Variants in RBFOX3 observed in about 807,000 individuals in gnomAD.
RBFOX3 encodes the protein RNA binding fox-1 homolog 3.
In RBFOX3, 17 loss-of-function variants were observed where a neutral mutation model predicts 48.7. That is an observed-to-expected ratio of 0.35 (90% CI 0.24 to 0.52). The LOEUF is 0.52. Ranked by LOEUF, RBFOX3 falls within the 20% of genes least tolerant of loss-of-function variation. RBFOX3 has a pLI of 0.94. For missense variants in RBFOX3, 382 were observed against 497.5 expected (o/e 0.77, Z 2.21); for synonymous variants, 212 against 209.5 (o/e 1.01, Z -0.10).
At chr17:79,093,838 A>C (rs543791507) in intron 14 of RBFOX3, among the ~76,000 whole-genome samples, 179 of 144,110 alleles carry the variant, frequency 1.2e-3, no homozygotes, top group Non-Finnish European at 1.7e-3. Context: ...GAGACACGCC[A>C]CGCCGCGCAC....
At chr17:79,340,598 G>C (rs2081933749) in intron 2 of RBFOX3, among the ~76,000 whole-genome samples, 1 of 152,150 alleles carries the variant, frequency 6.6e-6, no homozygotes, top group Non-Finnish European at 1.5e-5. Flanking sequence ...GGTGATTAAA[G>C]GCAACCCACA....
At chr17:79,595,578 T>C (rs2093548094) in intron 1 of RBFOX3, among the ~76,000 whole-genome samples, 1 of 152,188 alleles carries the variant, frequency 6.6e-6, no homozygotes, top group Non-Finnish European at 1.5e-5. Context: ...TCTTGAACGC[T>C]TTTAACCAAT....
At chr17:79,375,478 G>T (rs1008176484) in intron 2 of RBFOX3, among the ~76,000 whole-genome samples, 1 of 151,942 alleles carries the variant, frequency 6.6e-6, no homozygotes, top group Admixed American at 6.6e-5. Flanking sequence ...CATACTCTCG[G>T]CCCCCAGGGG....
At chr17:79,611,912 T>G (rs1378845951), upstream of RBFOX3, among the ~76,000 whole-genome samples, 1 of 152,132 alleles carries the variant, frequency 6.6e-6, no homozygotes, top group Admixed American at 6.5e-5. Flanking sequence ...AATCAAAAGA[T>G]CAGGTAGCTC....
chr17:79,435,339 AG>A (rs1244315482), intron 2 of RBFOX3, among the ~76,000 whole-genome samples: 1 of 152,180 alleles, frequency 6.6e-6, no homozygotes, highest in Non-Finnish European at 1.5e-5. Context: ...TATGCTTTAA[AG>A]GGGGGAGAAG....
At chr17:79,160,654 T>G (rs766203916) in intron 4 of RBFOX3, among the ~76,000 whole-genome samples, 4 of 144,542 alleles carry the variant, frequency 2.8e-5, no homozygotes, top group Non-Finnish European at 5.9e-5. Flanking sequence ...ATTCCCCCAT[T>G]CATTCATTCA....
Position 79,346,169 on chromosome 17 carries a change from C to T in RBFOX3, c.-174-38345G>A, listed in dbSNP as rs907455272. 2.2e-4 allele frequency among the ~76,000 whole-genome samples: 34 copies of T among 152,192 alleles called. 1 individual carries two copies. The highest frequency in any genetic ancestry group is 1.0e-3 in the Admixed American group (16 of 15,270). On this transcript the variant is annotated intron_variant, in intron 2 of 14. Transcript: ENST00000693108. Reference sequence around the variant, plus strand: ...AACTCCTGACCTCAGGTGATCCACCCACCTCAGCCTCCCAAAGTGCTAGGA... The same window carrying T: ...AACTCCTGACCTCAGGTGATCCACCTACCTCAGCCTCCCAAAGTGCTAGGA...
intron 1 of RBFOX3, among the ~76,000 whole-genome samples, chr17:79,491,792 G>A (rs1185622349): frequency 6.6e-6 from 1 of 152,038 alleles, no homozygotes; most frequent in African/African-American, 2.4e-5. Context: ...GTTAAAAATG[G>A]CACAAGGCCG....
chr17:79,566,405 AG>A (rs2092456595), intron 1 of RBFOX3, among the ~76,000 whole-genome samples: 1 of 152,180 alleles, frequency 6.6e-6, no homozygotes, highest in Non-Finnish European at 1.5e-5. Context: ...CTGCAGCTCC[AG>A]GGGGACTCTC....
chr17:79,321,705 C>CTTTTT lies in RBFOX3; in HGVS notation c.-174-13886_-174-13882dup, dbSNP rs55633027. ...GCGAGCCGGGCTTTCAGGAATCTGG[C>CTTTTT]TTTTTTTTTTTTTTTTTATAGACGG... On this transcript the variant is annotated intron_variant, in intron 2 of 14. Transcript: ENST00000693108. 1.1e-3 allele frequency among the ~76,000 whole-genome samples: 154 copies of CTTTTT among 134,090 alleles called. 3 individuals are homozygous for CTTTTT. Among genetic ancestry groups the CTTTTT allele is most frequent in the African/African-American group, 4.0e-3 (143 of 35,742 alleles). 88.0% of individuals were successfully genotyped at this position (134,090 alleles called of 152,430 possible). A position where few individuals can be genotyped will look rare whatever the true frequency, so the allele number is the denominator to read the frequency against.
Position 79,361,271 on chromosome 17 carries a change from C to T in RBFOX3, c.-174-53447G>A, listed in dbSNP as rs1360054988. 6.6e-6 allele frequency among the ~76,000 whole-genome samples: 1 copy of T among 152,210 alleles called. No homozygotes were observed. Among genetic ancestry groups the T allele is most frequent in the Non-Finnish European group, 1.5e-5 (1 of 68,038 alleles). Reference sequence around the variant, plus strand: ...GCCCGACCTGGCCTCTTCCCTCTCCCCAGGCTGCTGGTTGGCGCCTTGATC... The same window carrying T: ...GCCCGACCTGGCCTCTTCCCTCTCCTCAGGCTGCTGGTTGGCGCCTTGATC... On this transcript the variant is annotated intron_variant, in intron 2 of 14. Coordinates refer to ENST00000693108, the MANE Select transcript of RBFOX3 (RefSeq NM_001350451.2). The surrounding 1 kb of genome is among the most constrained non-coding windows in gnomAD (Gnocchi z 4.5).
the RBFOX3 span, among the ~76,000 whole-genome samples, chr17:79,639,857 T>C: frequency 6.6e-6 from 1 of 152,078 alleles, no homozygotes; most frequent in Non-Finnish European, 1.5e-5. Flanking sequence ...TAAAAGCCCA[T>C]AACTAATATC....
intron 2 of RBFOX3, among the ~76,000 whole-genome samples, chr17:79,469,168 C>G (rs1463500116): frequency 6.6e-6 from 1 of 152,170 alleles, no homozygotes; most frequent in Non-Finnish European, 1.5e-5. Flanking sequence ...TTTTCCCCTA[C>G]ACCTTCTCCT....
At chr17:79,611,375 C>T (rs965405691), upstream of RBFOX3, among the ~76,000 whole-genome samples, 8 of 151,840 alleles carry the variant, frequency 5.3e-5, no homozygotes, top group East Asian at 1.4e-3. Flanking sequence ...GAGCCATGAC[C>T]GGGTGGGCTT....
At chr17:79,352,824 G>C (rs1350321357) in intron 2 of RBFOX3, among the ~76,000 whole-genome samples, 8 of 152,252 alleles carry the variant, frequency 5.3e-5, no homozygotes, top group Non-Finnish European at 1.0e-4. Context: ...CAGCCTCACA[G>C]GCTCTGCAGC....
chr17:79,118,275 C>A (rs965662874), intron 4 of RBFOX3, among the ~76,000 whole-genome samples: 10 of 152,234 alleles, frequency 6.6e-5, no homozygotes, highest in Non-Finnish European at 1.3e-4. Flanking sequence ...ACTGGGGCGA[C>A]ATTCAAGCTC....
chr17:79,233,472 T>C (rs145641385), intron 4 of RBFOX3, among the ~76,000 whole-genome samples: 7 of 152,238 alleles, frequency 4.6e-5, no homozygotes, highest in Non-Finnish European at 7.3e-5. Flanking sequence ...TATCAAAGCT[T>C]ATCAAATTGC....
chr17:79,392,155 C>T lies in RBFOX3; in HGVS notation c.-174-84331G>A, dbSNP rs1283516640. Among the ~76,000 whole-genome samples, 1 of 152,200 alleles carries T rather than the reference C, an allele frequency of 6.6e-6. No individual in the cohort carries two copies. Among genetic ancestry groups the T allele is most frequent in the Non-Finnish European group, 1.5e-5 (1 of 68,028 alleles). ...CTGTGAAATGGAGCCAACAACAGCA[C>T]ATCACAGAGCTAACAGTAAAGAAAA... is the stretch of plus-strand genomic sequence containing the variant. On this transcript the variant is annotated intron_variant, in intron 2 of 14. Coordinates refer to ENST00000693108, the MANE Select transcript of RBFOX3 (RefSeq NM_001350451.2). This position sits in a 1 kb window ranked among gnomAD's most constrained non-coding sequence, Gnocchi z 5.0.
At chr17:79,444,290 G>T (rs868949443) in intron 2 of RBFOX3, among the ~76,000 whole-genome samples, 1 of 152,126 alleles carries the variant, frequency 6.6e-6, no homozygotes, top group African/African-American at 2.4e-5. Context: ...TGGGTTGGGG[G>T]CCAGCAAGAC....
Sources: allele counts gnomAD v4.1 joint callset (sites outside exome capture counted in the v4.1 genomes callset), GRCh38; gene constraint gnomAD v4.1.1; non-coding constraint Gnocchi (gnomAD v3.1); transcripts MANE v1.5; gene names NCBI Gene and HGNC (gene_info 2026-07-23, HGNC 2026-07-21).